Variants in RIMS4 observed in about 807,000 individuals in gnomAD.
RIMS4 encodes regulating synaptic membrane exocytosis 4, also known as regulating synaptic membrane exocytosis protein 4.
A neutral mutation model predicts 29.0 loss-of-function variants in RIMS4; 9 were observed. The ratio of observed to expected loss-of-function variants is 0.31; its 90% CI spans 0.19 to 0.54. RIMS4 has a LOEUF of 0.54. Among genes scored for constraint, RIMS4 ranks in the 20% least tolerant of loss-of-function variants. The pLI, the probability that RIMS4 is intolerant of heterozygous loss-of-function variation, is 0.94. For synonymous variants in RIMS4, 130 were observed against 152.9 expected, an observed-to-expected ratio of 0.85 and a Z score of 1.10; for missense variants, 193 against 365.7, an observed-to-expected ratio of 0.53 and a Z score of 3.85.
chr20:44,768,746 G>A (rs924130830), intron 2 of RIMS4, among the ~76,000 whole-genome samples: 1 of 152,172 alleles, frequency 6.6e-6, no homozygotes, highest in Non-Finnish European at 1.5e-5. Context: ...AAGCCTTTTA[G>A]TAATCGTAAT....
chr20:44,760,590 C>T (rs1172704600), intron 2 of RIMS4, among the ~76,000 whole-genome samples: 1 of 152,146 alleles, frequency 6.6e-6, no homozygotes, highest in African/African-American at 2.4e-5. Context: ...ACACTCTGTC[C>T]CCAGTGTCTG....
At chr20:44,789,782 T>C (rs887265013) in intron 1 of RIMS4, among the ~76,000 whole-genome samples, 4 of 152,204 alleles carry the variant, frequency 2.6e-5, no homozygotes, top group Non-Finnish European at 5.9e-5. Context: ...CTGGAACTCC[T>C]GGCCTCAAGC....
At chr20:44,771,541 C>T (rs1601026295) in intron 1 of RIMS4, 128 bp from the exon 2 acceptor site, 1 of 949,252 alleles carries the variant, frequency 1.1e-6, no homozygotes, top group Non-Finnish European at 1.6e-6. Context: ...CCACCCTCAG[C>T]CCATCAACCT....
intron 1 of RIMS4, among the ~76,000 whole-genome samples, chr20:44,787,858 G>A (rs2066215773): frequency 6.6e-6 from 1 of 152,224 alleles, no homozygotes; most frequent in Non-Finnish European, 1.5e-5. Context: ...GGGAACACAA[G>A]TGTCTGCAAT....
chr20:44,785,202 A>C (rs1317262777), intron 1 of RIMS4, among the ~76,000 whole-genome samples: 2 of 151,908 alleles, frequency 1.3e-5, no homozygotes, highest in East Asian at 3.9e-4. Context: ...GGGAGCCTGC[A>C]ATCCCTGGAT....
chr20:44,809,181 G>A (rs1211291902), intron 1 of RIMS4, among the ~76,000 whole-genome samples: 1 of 152,152 alleles, frequency 6.6e-6, no homozygotes, highest in African/African-American at 2.4e-5. Flanking sequence ...CAAGGTCACA[G>A]CTAAGAAGTA....
chr20:44,777,406 A>G (rs1365938823), intron 1 of RIMS4, among the ~76,000 whole-genome samples: 1 of 152,264 alleles, frequency 6.6e-6, no homozygotes, highest in East Asian at 1.9e-4. Flanking sequence ...ATAAATTATG[A>G]AAACAGATTC....
At chr20:44,783,476 A>T (rs2066193877) in intron 1 of RIMS4, among the ~76,000 whole-genome samples, 1 of 152,102 alleles carries the variant, frequency 6.6e-6, no homozygotes, top group South Asian at 2.1e-4. Flanking sequence ...TACAAAAATT[A>T]GCTGGGCTGT....
intron 1 of RIMS4, among the ~76,000 whole-genome samples, chr20:44,797,832 T>A (rs2066261535): frequency 6.6e-6 from 1 of 152,354 alleles, no homozygotes; most frequent in Non-Finnish European, 1.5e-5. Flanking sequence ...GTGTCTTTGA[T>A]ATGTGCAGTA....
At chr20:44,784,658 G>A (rs545893912) in intron 1 of RIMS4, among the ~76,000 whole-genome samples, 5 of 152,322 alleles carry the variant, frequency 3.3e-5, no homozygotes, top group South Asian at 4.1e-4. Flanking sequence ...CATGCTTAAC[G>A]CACGCTGGGT....
At chr20:44,801,976 G>A (rs1289899538) in intron 1 of RIMS4, among the ~76,000 whole-genome samples, 1 of 152,082 alleles carries the variant, frequency 6.6e-6, no homozygotes, top group Non-Finnish European at 1.5e-5. Flanking sequence ...AGTACCATCC[G>A]AATCTGCATC....
intron 1 of RIMS4, among the ~76,000 whole-genome samples, chr20:44,801,655 G>A (rs1383328464): frequency 6.6e-6 from 1 of 152,092 alleles, no homozygotes; most frequent in African/African-American, 2.4e-5. Context: ...CCCATGCAAT[G>A]GTCTCATGGC....
intron 2 of RIMS4, among the ~76,000 whole-genome samples, chr20:44,764,884 C>A (rs182660462): frequency 5.3e-5 from 8 of 152,154 alleles, no homozygotes; most frequent in Admixed American, 4.6e-4. Context: ...ATCCTGACCC[C>A]GACTTCTCAA....
At chr20:44,797,513 C>T (rs2066259894) in intron 1 of RIMS4, among the ~76,000 whole-genome samples, 2 of 152,258 alleles carry the variant, frequency 1.3e-5, no homozygotes, top group African/African-American at 4.8e-5. Context: ...CACTTTCTCA[C>T]TCCCATCCTG....
intron 2 of RIMS4, among the ~76,000 whole-genome samples, chr20:44,767,610 A>G (rs889323559): frequency 3.3e-5 from 5 of 152,212 alleles, no homozygotes; most frequent in African/African-American, 1.2e-4. Flanking sequence ...GAGTGTAAAC[A>G]TTAAGGGCAG....
chr20:44,782,615 C>A (rs986169698), intron 1 of RIMS4, among the ~76,000 whole-genome samples: 2 of 152,150 alleles, frequency 1.3e-5, no homozygotes, highest in African/African-American at 4.8e-5. Flanking sequence ...ATGGTTCTAT[C>A]CCACGAACTC....
At chr20:44,788,893 G>GCA (rs1364929663) in intron 1 of RIMS4, among the ~76,000 whole-genome samples, 1 of 152,026 alleles carries the variant, frequency 6.6e-6, no homozygotes, top group Admixed American at 6.5e-5. Context: ...GCAGGGCTGG[G>GCA]CATGTATTAA....
rs2066321445 is a variant in RIMS4 at position 44,810,524 on chromosome 20, G to C, written c.-253C>G. ...GGCGGCGGCGGCGGCGGTGGCGGCG[G>C]CGGTGGCGGCGCAGCGCGCTCTGGT... On this transcript the variant is annotated 5_prime_UTR_variant, in exon 1 of 6. Coordinates refer to ENST00000372851, the MANE Select transcript of RIMS4 (RefSeq NM_182970.4). Among the ~76,000 whole-genome samples the C allele has an allele frequency of 6.9e-6, 1 of 145,144 alleles. No homozygotes were observed. The highest frequency in any genetic ancestry group is 6.8e-5 in the Admixed American group (1 of 14,634).
chr20:44,788,514 T>C (rs2145468848), intron 1 of RIMS4, among the ~76,000 whole-genome samples: 1 of 152,244 alleles, frequency 6.6e-6, no homozygotes. Flanking sequence ...GGTCCATACT[T>C]ATAATCCCAG....
Sources: allele counts gnomAD v4.1 joint callset (sites outside exome capture counted in the v4.1 genomes callset), GRCh38; gene constraint gnomAD v4.1.1; transcripts MANE v1.5; gene names NCBI Gene and HGNC (gene_info 2026-07-23, HGNC 2026-07-21).